The following MPP7 variants were observed in gnomAD, a reference collection of about 807,000 sequenced individuals.
The protein encoded by MPP7 is MAGUK p55 scaffold protein 7.
In MPP7, 60 loss-of-function variants were observed where a neutral mutation model predicts 76.5. The observed-to-expected ratio is 0.78, with a 90% CI of 0.64 to 0.97. The LOEUF is 0.97. MPP7 is among the 50% of genes least tolerant of loss of function. MPP7 has a pLI of 0.00. For missense variants in MPP7, 641 were observed against 694.0 expected (o/e 0.92, Z 0.86); for synonymous variants, 237 against 244.5 (o/e 0.97, Z 0.29).
chr10:28,332,828 A>C (rs1358489447), intron 1 of MPP7, among the ~76,000 whole-genome samples: 1 of 151,716 alleles, frequency 6.6e-6, no homozygotes, highest in African/African-American at 2.4e-5. Flanking sequence ...TGCCTGGCTA[A>C]TTCTTTTATT....
chr10:28,284,676 A>G (rs962813745), intron 1 of MPP7, among the ~76,000 whole-genome samples: 5 of 152,220 alleles, frequency 3.3e-5, no homozygotes, highest in African/African-American at 1.2e-4. Context: ...ATTGGAGTAA[A>G]TAGAACTTTT....
chr10:28,124,119 G>A lies in MPP7; in HGVS notation c.530-3C>T. The A allele has an allele frequency of 6.3e-7, 1 of 1,589,894 alleles. No homozygotes were observed. The highest frequency in any genetic ancestry group is 1.3e-5 in the African/African-American group (1 of 74,592). ...TTCATCACCAACATGAATAAGACCT[G>A]AGAAATAGGAGATTTGGTAAATTAG... On this transcript the variant is annotated splice_region_variant and splice_polypyrimidine_tract_variant and intron_variant, in intron 7 of 16. Transcript: ENST00000683449.
chr10:28,130,059 C>G (rs1239937083), intron 6 of MPP7, among the ~76,000 whole-genome samples: 2 of 152,088 alleles, frequency 1.3e-5, no homozygotes, highest in South Asian at 2.1e-4. Flanking sequence ...TCTGAGGTAA[C>G]CATTCTCTCC....
At chr10:28,089,618 T>C in intron 12 of MPP7, 53 bp downstream of exon 12, 1 of 1,526,412 alleles carries the variant, frequency 6.6e-7, no homozygotes, top group Admixed American at 1.8e-5. Flanking sequence ...TGAAGAGAAA[T>C]TCTTACTAGC....
upstream of MPP7, among the ~76,000 whole-genome samples, chr10:28,307,845 A>G (rs1841267679): frequency 6.6e-6 from 1 of 152,064 alleles, no homozygotes; most frequent in Non-Finnish European, 1.5e-5. Context: ...CAGGTTGCAA[A>G]AAGAAGGGGG....
intron 3 of MPP7, among the ~76,000 whole-genome samples, chr10:28,192,519 C>T (rs932965797): frequency 5.9e-5 from 9 of 152,068 alleles, no homozygotes; most frequent in African/African-American, 2.2e-4. Context: ...CACTCCAAAG[C>T]CATAGCACCA....
intron 3 of MPP7, among the ~76,000 whole-genome samples, chr10:28,157,198 A>G (rs1002439477): frequency 6.6e-6 from 1 of 152,160 alleles, no homozygotes; most frequent in African/African-American, 2.4e-5. Context: ...CAGCAGGGCG[A>G]GACTTGGTCT....
At chr10:28,082,073 G>A (rs956355026) in intron 12 of MPP7, among the ~76,000 whole-genome samples, 30 of 152,124 alleles carry the variant, frequency 2.0e-4, no homozygotes, top group Non-Finnish European at 8.8e-5. Context: ...TTCCAAGGAG[G>A]ACTATGACAC....
intron 11 of MPP7, among the ~76,000 whole-genome samples, chr10:28,093,515 C>G (rs893917487): frequency 1.3e-5 from 2 of 149,874 alleles, no homozygotes; most frequent in African/African-American, 4.9e-5. Context: ...GGTGCAATCT[C>G]AGCTCACTGC....
At chr10:28,204,690 T>A (rs1189613230) in intron 2 of MPP7, among the ~76,000 whole-genome samples, 1 of 152,192 alleles carries the variant, frequency 6.6e-6, no homozygotes, top group African/African-American at 2.4e-5. Flanking sequence ...AAAAAAATTA[T>A]GGCAAACACG....
At chr10:28,162,021 A>C (rs538820409) in intron 3 of MPP7, among the ~76,000 whole-genome samples, 1 of 152,344 alleles carries the variant, frequency 6.6e-6, no homozygotes, top group African/African-American at 2.4e-5. Flanking sequence ...AATTGAATTC[A>C]AATCTGTCAA....
At chr10:28,274,052 G>A (rs1840411296) in intron 1 of MPP7, among the ~76,000 whole-genome samples, 1 of 151,810 alleles carries the variant, frequency 6.6e-6, no homozygotes, top group East Asian at 1.9e-4. Context: ...TTGAGTCCAG[G>A]GGTTCAAGAC....
At chr10:28,252,711 T>C (rs1839653270) in intron 1 of MPP7, among the ~76,000 whole-genome samples, 2 of 152,082 alleles carry the variant, frequency 1.3e-5, no homozygotes, top group Admixed American at 1.3e-4. Context: ...CAAAATCAAC[T>C]CTTCATAGCG....
intron 5 of MPP7, among the ~76,000 whole-genome samples, chr10:28,132,085 T>C (rs995107020): frequency 6.6e-6 from 1 of 152,206 alleles, no homozygotes; most frequent in African/African-American, 2.4e-5. Flanking sequence ...CAATGTCAAA[T>C]AGAGTCTGAG....
chr10:28,306,945 G>A (rs1274510134), upstream of MPP7, among the ~76,000 whole-genome samples: 1 of 152,134 alleles, frequency 6.6e-6, no homozygotes, highest in Non-Finnish European at 1.5e-5. Context: ...CTATGTCCCA[G>A]TGTCAGAGAA....
In MPP7 at chr10:28,218,374, T is replaced by C. The variant is rs1222680137; in HGVS notation, c.38-16103A>G. ...AACCATTTATGCACTTGGCAAGCTG[T>C]GATCCTGCACACTTGAGCAGCAAAA... On this transcript the variant is annotated intron_variant, in intron 2 of 16. Coordinates refer to ENST00000683449, the MANE Select transcript of MPP7 (RefSeq NM_001318170.2). Among the ~76,000 whole-genome samples, 4 of 152,312 alleles carry C rather than the reference T, an allele frequency of 2.6e-5. No individual in the cohort carries two copies. In the East Asian group the frequency reaches 7.7e-4, roughly 29 times the overall value.
chr10:28,302,236 A>G lies in MPP7; in HGVS notation c.-132+625T>C, dbSNP rs1051201705. Reference sequence around the variant, plus strand: ...TTCCTACCTCACCGCTCCCCACTTCAGCCCAGACAAAGCTGAGTTACTCGG... The same window carrying G: ...TTCCTACCTCACCGCTCCCCACTTCGGCCCAGACAAAGCTGAGTTACTCGG... On this transcript the variant is annotated intron_variant, in intron 1 of 16. Coordinates refer to ENST00000683449, the MANE Select transcript of MPP7 (RefSeq NM_001318170.2). 1.6e-4 allele frequency among the ~76,000 whole-genome samples: 25 copies of G among 152,076 alleles called. 1 individual carries two copies. The highest frequency in any genetic ancestry group is 5.5e-4 in the African/African-American group (23 of 41,500).
intron 1 of MPP7, among the ~76,000 whole-genome samples, chr10:28,301,291 G>A (rs997461195): frequency 1.3e-5 from 2 of 152,084 alleles, no homozygotes; most frequent in Admixed American, 1.3e-4. Context: ...AAAAGGTACC[G>A]AAATTCAATG....
intron 2 of MPP7, among the ~76,000 whole-genome samples, chr10:28,214,771 A>G (rs1300743177): frequency 6.6e-6 from 1 of 152,198 alleles, no homozygotes; most frequent in Non-Finnish European, 1.5e-5. Context: ...AAAACTGATA[A>G]TAGCCCTTTC....
Sources: gnomAD v4.1 joint callset for allele counts (sites outside exome capture counted in the v4.1 genomes callset) on GRCh38, gnomAD v4.1.1 for gene constraint, MANE v1.5 for transcripts, NCBI Gene and HGNC (gene_info 2026-07-23, HGNC 2026-07-21) for gene names.